The following DYNC2I1 variants were observed in gnomAD, a reference collection of about 807,000 sequenced individuals.
The protein encoded by DYNC2I1 is dynein 2 intermediate chain 1.
Under a neutral mutation model 133.4 loss-of-function variants are expected in DYNC2I1, and 89 were observed. The ratio of observed to expected loss-of-function variants is 0.67; its 90% confidence interval spans 0.56 to 0.80. The LOEUF is 0.80. Among genes scored for constraint, DYNC2I1 ranks in the 30% least tolerant of loss-of-function variants. DYNC2I1 has a pLI of 0.00. For synonymous variants in DYNC2I1, 504 were observed against 484.3 expected (o/e 1.04, Z -0.54); for missense variants, 1,291 against 1,314.5 (o/e 0.98, Z 0.28).
In DYNC2I1 at chr7:158,923,680, C is replaced by T. The variant is rs773753472; in HGVS notation, c.2204C>T (p.Ser735Phe). The change falls in exon 17 of 25, where the codon TCT becomes TTT. Residue 735 changes from serine to phenylalanine, a missense_variant. By Grantham distance (155) the Ser-to-Phe change is radical. Coordinates refer to ENST00000407559, the MANE Select transcript of DYNC2I1 (RefSeq NM_018051.5). ...DLREDSRLHYSVTLSDGFWTF... is the reference protein window; with the variant it reads ...DLREDSRLHYFVTLSDGFWTF... ...AGAGAAGACTCAAGGCTGCATTACT[C>T]TGTGACGCTGAGCGATGGCTTCTGG... 1.4e-5 allele frequency: 23 copies of T among 1,613,902 alleles called. No homozygotes were observed. The highest frequency in any genetic ancestry group is 5.3e-5 in the African/African-American group (4 of 74,940).
intron 8 of DYNC2I1, among the ~76,000 whole-genome samples, chr7:158,892,981 C>T (rs185119461): frequency 6.6e-6 from 1 of 151,950 alleles, no homozygotes; most frequent in Admixed American, 6.6e-5. Flanking sequence ...CAAAGATTTC[C>T]CATATACCCC....
At chr7:158,919,679 A>T (rs1403820511) in intron 15 of DYNC2I1, among the ~76,000 whole-genome samples, 1 of 152,184 alleles carries the variant, frequency 6.6e-6, no homozygotes, top group Non-Finnish European at 1.5e-5. Context: ...TGCTATTTAG[A>T]GATTTCAGTT....
chr7:158,874,751 T>C (rs1369011465), intron 3 of DYNC2I1, among the ~76,000 whole-genome samples: 1 of 152,186 alleles, frequency 6.6e-6, no homozygotes, highest in Non-Finnish European at 1.5e-5. Flanking sequence ...TGTGTCCTTA[T>C]TTCCAAGTTT....
At chr7:158,921,379 C>T (rs933721412) in intron 15 of DYNC2I1, among the ~76,000 whole-genome samples, 19 of 152,254 alleles carry the variant, frequency 1.2e-4, no homozygotes, top group Middle Eastern at 3.4e-3. Context: ...GTTGCCATAT[C>T]ATAGTTCCGC....
At chr7:158,940,896 A>G (rs529159656) in intron 23 of DYNC2I1, among the ~76,000 whole-genome samples, 1 of 152,224 alleles carries the variant, frequency 6.6e-6, no homozygotes, top group South Asian at 2.1e-4. Flanking sequence ...GACTTCAAAT[A>G]AACAATGTAA....
At chr7:158,947,924 TC>T (rs1851938790), downstream of DYNC2I1, among the ~76,000 whole-genome samples, 1 of 152,188 alleles carries the variant, frequency 6.6e-6, no homozygotes, top group South Asian at 2.1e-4. Flanking sequence ...AATGTGTCCT[TC>T]CCAGGCTCCT....
At chr7:158,929,345 C>T (rs1585207632) in intron 20 of DYNC2I1, among the ~76,000 whole-genome samples, 1 of 152,220 alleles carries the variant, frequency 6.6e-6, no homozygotes, top group Admixed American at 6.5e-5. Flanking sequence ...CGGGAGAGGG[C>T]GAGTGGTGGT....
chr7:158,892,592 A>G (rs975657276), intron 8 of DYNC2I1, among the ~76,000 whole-genome samples: 2 of 151,662 alleles, frequency 1.3e-5, no homozygotes, highest in Non-Finnish European at 2.9e-5. Context: ...TAGGCATGAG[A>G]CACTACTCCT....
chr7:158,867,170 T>G (rs1000390994), intron 1 of DYNC2I1, among the ~76,000 whole-genome samples: 1 of 152,180 alleles, frequency 6.6e-6, no homozygotes, highest in Non-Finnish European at 1.5e-5. Context: ...AGGTTAGGTT[T>G]ATCATTAAGC....
intron 1 of DYNC2I1, among the ~76,000 whole-genome samples, chr7:158,860,656 A>G (rs534255362): frequency 6.6e-6 from 1 of 152,342 alleles, no homozygotes; most frequent in African/African-American, 2.4e-5. Flanking sequence ...AAATTTTAGA[A>G]ATTTCTAAGT....
chr7:158,844,856 G>A, the DYNC2I1 span, among the ~76,000 whole-genome samples: 1 of 152,130 alleles, frequency 6.6e-6, no homozygotes, highest in Non-Finnish European at 1.5e-5. Context: ...CCCGACCTCA[G>A]GTGATCCACC....
rs370204671 is a variant in DYNC2I1, at chr7:158,926,998, G to A, written c.2440G>A (p.Val814Ile). The change falls in exon 20 of 25, where the codon GTT (valine) becomes ATT (isoleucine). Residue 814 changes from valine to isoleucine, a missense_variant. Coordinates refer to ENST00000407559, the MANE Select transcript of DYNC2I1 (RefSeq NM_018051.5). Reference protein sequence around the residue: ...ESGVLNVWVVVELPKADIAGS... With the variant: ...ESGVLNVWVVIELPKADIAGS... ...TTCAATATTCTGTTTTTAGGTGGTT[G>A]TTGAATTACCAAAGGCAGACATCGC... is the stretch of plus-strand genomic sequence containing the variant. 6 of 1,602,322 alleles carry A rather than the reference G, an allele frequency of 3.7e-6. No homozygotes were observed. Among genetic ancestry groups the A allele is most frequent in the African/African-American group, 2.7e-5 (2 of 74,550 alleles).
At chr7:158,935,891 C>A (rs977307485) in intron 23 of DYNC2I1, among the ~76,000 whole-genome samples, 2 of 152,048 alleles carry the variant, frequency 1.3e-5, no homozygotes, top group African/African-American at 4.8e-5. Context: ...CATGGAGAAG[C>A]CCCATCTCTA....
chr7:158,937,128 T>C (rs1288776979), intron 23 of DYNC2I1, among the ~76,000 whole-genome samples: 2 of 151,030 alleles, frequency 1.3e-5, no homozygotes, highest in Non-Finnish European at 3.0e-5. Flanking sequence ...AAGGAAACTC[T>C]GTGATCTCCA....
chr7:158,935,512 T>G (rs1236600915), intron 23 of DYNC2I1, among the ~76,000 whole-genome samples: 1 of 152,214 alleles, frequency 6.6e-6, no homozygotes, highest in Non-Finnish European at 1.5e-5. Flanking sequence ...GGGGAAAGAT[T>G]GTTATTTATT....
Position 158,905,986 on chromosome 7 carries a change from C to G in DYNC2I1, c.1358-3C>G, listed in dbSNP as rs1194026542. On this transcript the variant is annotated splice_polypyrimidine_tract_variant and splice_region_variant and intron_variant, in intron 10 of 24. Coordinates refer to ENST00000407559, the MANE Select transcript of DYNC2I1 (RefSeq NM_018051.5). Reference sequence around the variant, plus strand: ...AAAAATAGTGTTTTTCTCCCTCACACAGATACAAACAGTTCCCCTTCCAGA... The same window carrying G: ...AAAAATAGTGTTTTTCTCCCTCACAGAGATACAAACAGTTCCCCTTCCAGA... 19 of 1,611,962 alleles carry G rather than the reference C, an allele frequency of 1.2e-5. No homozygotes were observed. The highest frequency in any genetic ancestry group is 1.6e-5 in the Non-Finnish European group (19 of 1,178,898).
chr7:158,856,281 T>C (rs1455122279), upstream of DYNC2I1, among the ~76,000 whole-genome samples: 1 of 152,196 alleles, frequency 6.6e-6, no homozygotes, highest in Non-Finnish European at 1.5e-5. Flanking sequence ...CTGCTCTCCC[T>C]TTCTATCTTC....
At chr7:158,916,927 G>A (rs1848405612) in intron 14 of DYNC2I1, among the ~76,000 whole-genome samples, 1 of 83,094 alleles carries the variant, frequency 1.2e-5, no homozygotes, top group Non-Finnish European at 2.8e-5. Flanking sequence ...AAGGATGATT[G>A]TGAAACGTCT....
chr7:158,880,561 CA>C (rs35375279), intron 5 of DYNC2I1, among the ~76,000 whole-genome samples: 2 of 150,544 alleles, frequency 1.3e-5, no homozygotes, highest in Admixed American at 1.3e-4. Flanking sequence ...CTCTGTCTCT[CA>C]AAAAAAAATT....
Sources: gnomAD v4.1 joint callset for allele counts (sites outside exome capture counted in the v4.1 genomes callset) on GRCh38, gnomAD v4.1.1 for gene constraint, MANE v1.5 for transcripts, NCBI Gene and HGNC (gene_info 2026-07-23, HGNC 2026-07-21) for gene names.